The following GPR107 variants were observed in gnomAD, a reference collection of about 807,000 sequenced individuals.
GPR107 encodes the protein G protein-coupled receptor 107, also known as protein GPR107.
Under a neutral mutation model 75.5 loss-of-function variants are expected in GPR107, and 31 were observed. The observed-to-expected ratio is 0.41, with a 90% CI of 0.31 to 0.55. The LOEUF is 0.55. GPR107 is among the 20% of genes least tolerant of loss of function. GPR107 has a pLI of 0.26. For missense variants in GPR107, 572 were observed against 665.7 expected (o/e 0.86, Z 1.55); for synonymous variants, 267 against 251.3 (o/e 1.06, Z -0.59).
At chr9:130,131,134 G>A (rs1554899006) in intron 17 of GPR107, among the ~76,000 whole-genome samples, 1 of 152,184 alleles carries the variant, frequency 6.6e-6, no homozygotes, top group Non-Finnish European at 1.5e-5. Context: ...ACCTAGTGAG[G>A]TGGCTGCGAA....
chr9:130,108,770 T>TA (rs1405736794), intron 14 of GPR107: 1 of 456,048 alleles, frequency 2.2e-6, no homozygotes, highest in Admixed American at 2.4e-5. Context: ...CCCTCAAAGA[T>TA]ACCAGGTTCC....
At chr9:130,116,941 G>A (rs914945855) in intron 14 of GPR107, among the ~76,000 whole-genome samples, 1 of 108,268 alleles carries the variant, frequency 9.2e-6, no homozygotes, top group Non-Finnish European at 1.8e-5. Context: ...ATGTATATTT[G>A]AAATGTATTT....
chr9:130,075,551 T>C (rs991408834), intron 1 of GPR107, 85 bp from the exon 2 acceptor site: 2 of 742,702 alleles, frequency 2.7e-6, no homozygotes, highest in Non-Finnish European at 4.8e-6. Context: ...CAGCCTGATA[T>C]CATACTTTTT....
At chr9:130,131,770 T>C (rs572574609) in intron 17 of GPR107, among the ~76,000 whole-genome samples, 1 of 152,252 alleles carries the variant, frequency 6.6e-6, no homozygotes, top group East Asian at 1.9e-4. Context: ...CAGAGCGTCC[T>C]GTAGGCCTTA....
In GPR107 at chr9:130,123,530, C is replaced by CT. The variant is rs57730952; in HGVS notation, c.1307-1366dup. On this transcript the variant is annotated intron_variant, in intron 14 of 17. Transcript: ENST00000347136. ...TTCTTTTTTTTCTTTCTTTTCTTTT[C>CT]TTTTTTTTTTTTTTTTTTTGTAGAA... 8.9e-4 allele frequency among the ~76,000 whole-genome samples: 113 copies of CT among 127,144 alleles called. 1 individual carries two copies. Among genetic ancestry groups the CT allele is most frequent in the African/African-American group, 3.1e-3 (103 of 33,478 alleles). 83.4% of individuals were successfully genotyped at this position (127,144 alleles called of 152,430 possible).
intron 1 of GPR107, among the ~76,000 whole-genome samples, chr9:130,070,157 C>T (rs1010077835): frequency 6.7e-6 from 1 of 149,938 alleles, no homozygotes; most frequent in Non-Finnish European, 1.5e-5. Context: ...CCACCACACC[C>T]GGCTAATTTT....
rs566085327 is a variant in GPR107 at position 130,086,454 on chromosome 9, A to G, written c.599A>G (p.Asn200Ser). ...MGEKSFSVHN[N>S]GGAVSFQFFF... ...GAGAAATCCTTTTCTGTTCATAATA[A>G]TGGTGGGGCAGTGTCATTTCAGGTA... is the stretch of plus-strand genomic sequence containing the variant. The change falls in exon 7 of 18, where the codon AAT becomes AGT. Residue 200 changes from asparagine to serine, a missense_variant. By Grantham distance (46) the Asn-to-Ser change is conservative. Transcript: ENST00000347136. 1 of 1,554,718 alleles carries G rather than the reference A, an allele frequency of 6.4e-7. No homozygotes were observed. The highest frequency in any genetic ancestry group is 1.1e-5 in the South Asian group (1 of 89,778).
intron 1 of GPR107, among the ~76,000 whole-genome samples, chr9:130,063,323 T>A (rs1829977939): frequency 6.6e-6 from 1 of 152,132 alleles, no homozygotes; most frequent in African/African-American, 2.4e-5. Flanking sequence ...CCCGAGTAGC[T>A]GGGACTACAG....
chr9:130,124,258 G>A (rs898656834), intron 14 of GPR107, among the ~76,000 whole-genome samples: 2 of 152,200 alleles, frequency 1.3e-5, no homozygotes, highest in African/African-American at 4.8e-5. Flanking sequence ...GCTGATCTGG[G>A]AGGGAGCCAG....
Position 130,083,548 on chromosome 9 carries a change from A to C in GPR107, c.527-17A>C, listed in dbSNP as rs201786031. On this transcript the variant is annotated splice_polypyrimidine_tract_variant and intron_variant, in intron 5 of 17. Transcript: ENST00000347136. Reference sequence around the variant, plus strand: ...TTGAGTCATGCAGCACTCTCTTTTAAATGTTCTTGCTTCTAGATGGTGGAA... The same window carrying C: ...TTGAGTCATGCAGCACTCTCTTTTACATGTTCTTGCTTCTAGATGGTGGAA... 1.3e-6 allele frequency: 2 copies of C among 1,498,414 alleles called. No homozygotes were observed. The highest frequency in any genetic ancestry group is 2.6e-5 in the East Asian group (1 of 38,640). 92.8% of individuals were successfully genotyped at this position (1,498,414 alleles called of 1,614,324 possible).
chr9:130,102,631 T>A (rs1831062777), intron 12 of GPR107, among the ~76,000 whole-genome samples: 1 of 152,216 alleles, frequency 6.6e-6, no homozygotes, highest in Non-Finnish European at 1.5e-5. Flanking sequence ...ACAGAAAGTT[T>A]CTAAGTAAGG....
intron 9 of GPR107, among the ~76,000 whole-genome samples, chr9:130,096,468 C>CTTTTTTT (rs34230243): frequency 1.6e-5 from 2 of 122,372 alleles, no homozygotes; most frequent in African/African-American, 3.2e-5. Context: ...CATTTTTGGA[C>CTTTTTTT]TTTTTTTTTT....
chr9:130,066,405 GATGACGAC>G (rs1830068969), intron 1 of GPR107, among the ~76,000 whole-genome samples: 2 of 26,012 alleles, frequency 7.7e-5, no homozygotes, highest in African/African-American at 1.3e-4. Flanking sequence ...TGATGGTGAT[GATGACGAC>G]GATGATGATG....
At chr9:130,101,251 C>G (rs1831026244) in intron 12 of GPR107, 28 bp downstream of exon 12, 1 of 1,205,620 alleles carries the variant, frequency 8.3e-7, no homozygotes. Flanking sequence ...CCATTTGTCA[C>G]TTCCTTTCTT....
intron 15 of GPR107, among the ~76,000 whole-genome samples, chr9:130,127,229 G>C (rs1420797488): frequency 1.3e-5 from 2 of 152,202 alleles, no homozygotes; most frequent in Non-Finnish European, 2.9e-5. Context: ...CCTGACTAAA[G>C]TGTCTTGTGC....
At chr9:130,068,592 C>CTA (rs745938414) in intron 1 of GPR107, among the ~76,000 whole-genome samples, 24 of 152,038 alleles carry the variant, frequency 1.6e-4, no homozygotes, top group Non-Finnish European at 3.2e-4. Context: ...ATTGAGGTAT[C>CTA]ATTACTCTAT....
At chr9:130,129,113 AC>A (rs1021181273) in intron 17 of GPR107, 11 of 188,602 alleles carry the variant, frequency 5.8e-5, no homozygotes, top group Non-Finnish European at 1.1e-4. Context: ...TCAGGCGCTT[AC>A]GTCTGAAAAT....
At chr9:130,107,362 G>A (rs768466870) in intron 13 of GPR107, 134 bp from the exon 14 acceptor site, 1 of 680,120 alleles carries the variant, frequency 1.5e-6, no homozygotes, top group Non-Finnish European at 2.7e-6. Context: ...GTTTTAGGGA[G>A]AGTGCTCTAA....
At chr9:130,107,714 A>G (rs184928161) in intron 14 of GPR107, among the ~76,000 whole-genome samples, 175 bp downstream of exon 14, 84 of 152,184 alleles carry the variant, frequency 5.5e-4, no homozygotes, top group Admixed American at 1.1e-3. Context: ...TTGGAGAAGG[A>G]GGTGTTGAGT....
Sources: gnomAD v4.1 joint callset for allele counts (sites outside exome capture counted in the v4.1 genomes callset) on GRCh38, gnomAD v4.1.1 for gene constraint, MANE v1.5 for transcripts, NCBI Gene and HGNC (gene_info 2026-07-23, HGNC 2026-07-21) for gene names.